The following LINGO1 variants were observed in gnomAD, a reference collection of about 807,000 sequenced individuals.
LINGO1 encodes the protein leucine rich repeat and Ig domain containing 1.
In LINGO1, 11 loss-of-function variants were observed where a neutral mutation model predicts 37.3. That is an observed-to-expected ratio of 0.29 (90% CI 0.19 to 0.49). LINGO1 has a LOEUF of 0.49. Among genes scored for constraint, LINGO1 ranks in the 20% least tolerant of loss-of-function variants. The pLI is 0.99. For missense variants in LINGO1, 585 were observed against 878.2 expected, an observed-to-expected ratio of 0.67 and a Z score of 4.22; for synonymous variants, 387 against 403.0, an observed-to-expected ratio of 0.96 and a Z score of 0.48.
chr15:77,624,077 C>CTG (rs1200399080), intron 1 of LINGO1, among the ~76,000 whole-genome samples: 1 of 134,950 alleles, frequency 7.4e-6, no homozygotes, highest in African/African-American at 2.9e-5. Context: ...AGTGTGGCCT[C>CTG]TGTGTGTGTC....
chr15:77,801,195 C>A (rs1383392076), intron 1 of LINGO1, among the ~76,000 whole-genome samples: 1 of 152,226 alleles, frequency 6.6e-6, no homozygotes, highest in Non-Finnish European at 1.5e-5. Flanking sequence ...CACAAGCATT[C>A]ATGTATACAT....
At chr15:77,616,843 C>T (rs1489773125) in intron 1 of LINGO1, among the ~76,000 whole-genome samples, 1 of 152,182 alleles carries the variant, frequency 6.6e-6, no homozygotes, top group African/African-American at 2.4e-5. Flanking sequence ...AATTGAAGTC[C>T]GCTGCTCTAA....
intron 3 of LINGO1, among the ~76,000 whole-genome samples, chr15:77,656,066 C>A (rs1029272449): frequency 2.6e-5 from 4 of 152,222 alleles, no homozygotes; most frequent in Non-Finnish European, 5.9e-5. Flanking sequence ...AGTGTGGCTG[C>A]CCACAGGGCT....
chr15:77,703,186 C>G (rs564675077), intron 2 of LINGO1, among the ~76,000 whole-genome samples: 1 of 152,340 alleles, frequency 6.6e-6, no homozygotes, highest in East Asian at 1.9e-4. Flanking sequence ...CCAACTCTCC[C>G]TGAGTCCCTT....
intron 2 of LINGO1, among the ~76,000 whole-genome samples, chr15:77,685,637 C>T (rs1180906563): frequency 6.7e-6 from 1 of 149,762 alleles, no homozygotes; most frequent in Non-Finnish European, 1.5e-5. Context: ...GCGGGAAGAT[C>T]ACTTGAGGCC....
intron 1 of LINGO1, among the ~76,000 whole-genome samples, chr15:77,750,555 T>C (rs191793853): frequency 1.3e-4 from 20 of 152,216 alleles, no homozygotes; most frequent in African/African-American, 4.8e-4. Flanking sequence ...CTTCTCTCCC[T>C]GTCTATCTCT....
intron 3 of LINGO1, among the ~76,000 whole-genome samples, chr15:77,653,838 A>G (rs1424638279): frequency 6.6e-6 from 1 of 152,208 alleles, no homozygotes; most frequent in African/African-American, 2.4e-5. Context: ...AAAGAGTAAC[A>G]TTTATTAGGT....
At chr15:77,709,142 T>C (rs1291082179) in intron 2 of LINGO1, among the ~76,000 whole-genome samples, 1 of 152,196 alleles carries the variant, frequency 6.6e-6, no homozygotes, top group Admixed American at 6.5e-5. Context: ...TAATTTCTAT[T>C]GTTTTAAACC....
upstream of LINGO1, among the ~76,000 whole-genome samples, chr15:77,700,890 G>T (rs2075774067): frequency 6.6e-6 from 1 of 152,142 alleles, no homozygotes; most frequent in East Asian, 1.9e-4. Flanking sequence ...TCTTCCACAG[G>T]ACAACCTCAC....
rs2073661672 is a variant in LINGO1 at position 77,615,162 on chromosome 15, A to G, written c.745T>C (p.Trp249Arg). Residue 249 changes from tryptophan (W) to arginine (R), a missense_variant, in exon 2 of 2, where the codon TGG (tryptophan) becomes CGG (arginine). Trp to Arg is a moderately radical substitution (Grantham distance 101, BLOSUM62 -3). Around this residue, in one of 4 missense-constraint regions of LINGO1, gnomAD observed 484 missense variants for 735.0 expected, o/e 0.66. Transcript: ENST00000355300. Reference protein sequence around the residue: ...YRLKVLEISHWPYLDTMTPNC... With the variant: ...YRLKVLEISHRPYLDTMTPNC... ...GGTGTCATGGTGTCCAAGTAGGGCC[A>G]GTGGGAGATCTCCAAGACCTTGAGT... 1 of 1,613,734 alleles carries G rather than the reference A, an allele frequency of 6.2e-7. No homozygotes were observed.
At chr15:77,620,422 G>A (rs935040725) in intron 1 of LINGO1, among the ~76,000 whole-genome samples, 1 of 152,198 alleles carries the variant, frequency 6.6e-6, no homozygotes, top group African/African-American at 2.4e-5. Flanking sequence ...TAGGCTCTGC[G>A]CTGCCCCCAC....
upstream of LINGO1, among the ~76,000 whole-genome samples, chr15:77,790,663 T>C (rs752732533): frequency 6.6e-6 from 1 of 152,020 alleles, no homozygotes; most frequent in Non-Finnish European, 1.5e-5. Context: ...GCCACAGACA[T>C]TGCTGAAATC....
At chr15:77,756,784 C>T (rs2076424101) in intron 1 of LINGO1, among the ~76,000 whole-genome samples, 2 of 152,204 alleles carry the variant, frequency 1.3e-5, no homozygotes, top group South Asian at 4.1e-4. Flanking sequence ...CCCTGAACCA[C>T]CATGCCACCC....
intron 2 of LINGO1, among the ~76,000 whole-genome samples, chr15:77,726,728 A>C (rs532699006): frequency 1.3e-5 from 2 of 152,256 alleles, no homozygotes; most frequent in African/African-American, 2.4e-5. Flanking sequence ...AGGCAACAAA[A>C]GCAAAAATAG....
chr15:77,727,365 A>G (rs1168062251), intron 2 of LINGO1, among the ~76,000 whole-genome samples: 2 of 152,260 alleles, frequency 1.3e-5, no homozygotes, highest in African/African-American at 4.8e-5. Flanking sequence ...ATGAACAGAT[A>G]AACAAAATGT....
At chr15:77,714,800 G>A (rs924459936) in intron 2 of LINGO1, among the ~76,000 whole-genome samples, 5 of 152,272 alleles carry the variant, frequency 3.3e-5, no homozygotes, top group African/African-American at 4.8e-5. Flanking sequence ...GTCTCTACGC[G>A]CCCACACACT....
At chr15:77,672,370 TTAACTGA>T in intron 3 of LINGO1, among the ~76,000 whole-genome samples, 1 of 152,180 alleles carries the variant, frequency 6.6e-6, no homozygotes, top group South Asian at 2.1e-4. Context: ...TGCAGAGGTG[TTAACTGA>T]TAATTAAGAT....
intron 1 of LINGO1, among the ~76,000 whole-genome samples, chr15:77,631,522 C>T (rs925100586): frequency 1.3e-5 from 2 of 152,208 alleles, no homozygotes; most frequent in African/African-American, 4.8e-5. Context: ...CGGAGGGTCA[C>T]ATCTCCTGGC....
At chr15:77,764,510 CT>C in intron 1 of LINGO1, among the ~76,000 whole-genome samples, 1 of 152,162 alleles carries the variant, frequency 6.6e-6, no homozygotes, top group East Asian at 1.9e-4. Context: ...AAATCACCCA[CT>C]TTTTTTAAAA....
Sources: allele counts gnomAD v4.1 joint callset (sites outside exome capture counted in the v4.1 genomes callset), GRCh38; gene constraint gnomAD v4.1.1; regional missense constraint gnomAD v4.1.1; transcripts MANE v1.5; gene names NCBI Gene and HGNC (gene_info 2026-07-23, HGNC 2026-07-21).